Variants in FGFR3 observed in about 807,000 individuals in gnomAD.
The protein encoded by FGFR3 is fibroblast growth factor receptor 3.
A neutral mutation model predicts 82.9 loss-of-function variants in FGFR3; 25 were observed. The ratio of observed to expected loss-of-function variants is 0.30; its 90% CI spans 0.22 to 0.42. The LOEUF is 0.42. FGFR3 is among the 10% of genes least tolerant of loss of function. The pLI, the probability that FGFR3 is intolerant of heterozygous loss-of-function variation, is 1.00. For synonymous variants in FGFR3, 620 were observed against 516.0 expected, an observed-to-expected ratio of 1.20 and a Z score of -2.73; for missense variants, 1,026 against 1,161.0, an observed-to-expected ratio of 0.88 and a Z score of 1.69.
Position 1,800,597 on chromosome 4 carries a change from G to A in FGFR3, c.446-770G>A, listed in dbSNP as rs3135873. 5.1e-4 allele frequency among the ~76,000 whole-genome samples: 78 copies of A among 152,224 alleles called. 1 individual carries two copies. Among genetic ancestry groups the A allele is most frequent in the Admixed American group, 2.7e-3 (41 of 15,304 alleles). On this transcript the variant is annotated intron_variant, in intron 4 of 17. Coordinates refer to ENST00000440486, the MANE Select transcript of FGFR3 (RefSeq NM_000142.5). Reference sequence around the variant, plus strand: ...CCTGGGAGGGAGCTCAGCACCGTGGGGTGCCTCTTTCCAGCCTGTGTCCAC... The same window carrying A: ...CCTGGGAGGGAGCTCAGCACCGTGGAGTGCCTCTTTCCAGCCTGTGTCCAC...
chr4:1,799,403 G>A lies in FGFR3; in HGVS notation c.259G>A (p.Val87Ile). The A allele has an allele frequency of 6.2e-7, 1 of 1,612,242 alleles. No individual in the cohort carries two copies. Among genetic ancestry groups the A allele is most frequent in the Non-Finnish European group, 8.5e-7 (1 of 1,179,746 alleles). The change falls in exon 3 of 18, where the codon GTC (valine) becomes ATC (isoleucine). Residue 87 changes from valine to isoleucine, a missense_variant. Val to Ile is a conservative substitution (Grantham distance 29). This residue lies in a region of FGFR3 where 226 missense variants were observed against 222.0 expected (regional missense o/e 1.02). Coordinates refer to ENST00000440486, the MANE Select transcript of FGFR3 (RefSeq NM_000142.5). ...CACAGGGCTGGTGCCCTCGGAGCGT[G>A]TCCTGGTGGGGCCCCAGCGGCTGCA... Reference protein sequence around the residue: ...DGTGLVPSERVLVGPQRLQVL... With the variant: ...DGTGLVPSERILVGPQRLQVL...
chr4:1,801,076 C>T (rs1030292387), intron 4 of FGFR3, among the ~76,000 whole-genome samples: 12 of 152,222 alleles, frequency 7.9e-5, no homozygotes, highest in Admixed American at 2.6e-4. Flanking sequence ...GGCCCTGGCA[C>T]GCCTCTCTGG....
In FGFR3 at chr4:1,803,981, G is replaced by T. The variant is rs1018486794; in HGVS notation, c.1075+145G>T. 3.8e-6 allele frequency: 4 copies of T among 1,050,778 alleles called. No individual in the cohort carries two copies. The African/African-American group carries it at 4.7e-5, about 12-fold the overall frequency. 65.1% of individuals were successfully genotyped at this position (1,050,778 alleles called of 1,614,324 possible). ...CCTCACTCCTGGCCCTGTGCCCAGT[G>T]TGGGGACAAAGTTGGCCTGGCCCGG... On this transcript the variant is annotated intron_variant, in intron 8 of 17. Coordinates refer to ENST00000440486, the MANE Select transcript of FGFR3 (RefSeq NM_000142.5).
intron 7 of FGFR3, chr4:1,802,899 C>G (rs1462750477): frequency 1.3e-6 from 2 of 1,580,416 alleles, no homozygotes; most frequent in Non-Finnish European, 1.7e-6. Flanking sequence ...TGAGCCGGGT[C>G]TCTTGTCCCC....
rs372361436 is a variant in FGFR3 at position 1,805,527 on chromosome 4, C to A, written c.1535-32C>A. On this transcript the variant is annotated intron_variant, in intron 11 of 17. Coordinates refer to ENST00000440486, the MANE Select transcript of FGFR3 (RefSeq NM_000142.5). The stretch of plus-strand genomic sequence containing the variant: ...AGAGCAGGGCTGGGGGCGCCGCCGC[C>A]GCCTGACACAGGCCCCCCGCTCCGT... 2.5e-6 allele frequency: 4 copies of A among 1,612,524 alleles called. No individual in the cohort carries two copies. In the African/African-American group the frequency reaches 5.3e-5, roughly 22 times the overall value.
At chr4:1,795,995 G>A (rs1037639291) in intron 2 of FGFR3, among the ~76,000 whole-genome samples, 2 of 152,178 alleles carry the variant, frequency 1.3e-5, no homozygotes, top group Admixed American at 6.5e-5. Flanking sequence ...GGTCTCACTT[G>A]GGGCTAGATC....
At position 1,793,966 on chromosome 4, in the gene FGFR3, G is replaced by GCGTGGC. The variant is rs1720151822; in HGVS notation, c.40_45dup (p.Val14_Ala15dup). The GCGTGGC allele has an allele frequency of 7.3e-7, 1 of 1,376,550 alleles. No homozygotes were observed. Among genetic ancestry groups the GCGTGGC allele is most frequent in the African/African-American group, 1.5e-5 (1 of 66,784 alleles). The allele number at this position is 1,376,550 out of a possible 1,614,324, so 85.3% of individuals were successfully genotyped here. A position where few individuals can be genotyped will look rare whatever the true frequency, so the allele number is the denominator to read the frequency against. On this transcript the variant is annotated inframe_insertion, in exon 2 of 18. Transcript: ENST00000440486. ...GCCCCTGCCTGCGCCCTCGCGCTCT[G>GCGTGGC]CGTGGCCGTGGCCATCGTGGCCGGC...
At chr4:1,801,570 G>C (rs1721182110) in intron 5 of FGFR3, 34 bp downstream of exon 5, 1 of 1,578,652 alleles carries the variant, frequency 6.3e-7, no homozygotes, top group Non-Finnish European at 8.6e-7. Flanking sequence ...GGCCTGGCAG[G>C]CGCGGTGGTT....
At chr4:1,804,309 T>C (rs1304748980) in intron 8 of FGFR3, 21 bp from the exon 9 acceptor site, 5 of 1,578,262 alleles carry the variant, frequency 3.2e-6, no homozygotes, top group East Asian at 2.2e-5. Flanking sequence ...AGGCCAGGCC[T>C]CAACGCCCAT....
chr4:1,796,055 G>T (rs1720474130), intron 2 of FGFR3, among the ~76,000 whole-genome samples: 1 of 152,198 alleles, frequency 6.6e-6, no homozygotes, highest in South Asian at 2.1e-4. Context: ...GGAGCCCAGG[G>T]GCTTGGGGTC....
At chr4:1,799,926 T>C in intron 4 of FGFR3, 114 bp downstream of exon 4, 1 of 1,220,362 alleles carries the variant, frequency 8.2e-7, no homozygotes, top group Non-Finnish European at 1.2e-6. Flanking sequence ...CTCCCTGGGG[T>C]CACCCCGAAG....
At chr4:1,803,059 G>C in intron 7 of FGFR3, 1 of 1,594,996 alleles carries the variant, frequency 6.3e-7, no homozygotes, top group East Asian at 2.3e-5. Context: ...CACGGGCCCC[G>C]AGCAGGTAAC....
At chr4:1,803,389 T>G (rs534475304) in intron 7 of FGFR3, among the ~76,000 whole-genome samples, 1 of 152,202 alleles carries the variant, frequency 6.6e-6, no homozygotes, top group South Asian at 2.1e-4. Context: ...CCGCAGCCTG[T>G]GTGTCCCTGT....
Position 1,805,930 on chromosome 4 carries a change from C to T in FGFR3, c.1826C>T (p.Ala609Val), listed in dbSNP as rs142093553. The change falls in exon 13 of 18, where the codon GCC becomes GTC. Residue 609 changes from alanine (A) to valine (V), a missense_variant. Around this residue, in one of 9 missense-constraint regions of FGFR3, gnomAD observed 164 missense variants for 167.5 expected, o/e 0.98. Coordinates refer to ENST00000440486, the MANE Select transcript of FGFR3 (RefSeq NM_000142.5). ...GTGGCCCGGGGCATGGAGTACTTGGCCTCCCAGAAGGTGGGCAGGGCGGCA... is the reference window on the plus strand; with the variant it reads ...GTGGCCCGGGGCATGGAGTACTTGGTCTCCCAGAAGGTGGGCAGGGCGGCA... ...YQVARGMEYL[A>V]SQKCIHRDLA... 28 of 1,608,806 alleles carry T rather than the reference C, an allele frequency of 1.7e-5. No homozygotes were observed. Among genetic ancestry groups the T allele is most frequent in the East Asian group, 2.2e-5 (1 of 44,782 alleles).
Position 1,804,467 on chromosome 4 carries a change from G to T in FGFR3, c.1213G>T (p.Gly405Cys), listed in dbSNP as rs768867257. ...CCGCCTGCGCAGCCCCCCCAAGAAA[G>T]GCCTGGGCTCCCCCACCGTGCACAA... is the stretch of plus-strand genomic sequence containing the variant. ...LCRLRSPPKK[G>C]LGSPTVHKIS... The change falls in exon 9 of 18, where the codon GGC becomes TGC. Residue 405 changes from glycine to cysteine, a missense_variant. Gly to Cys is a radical substitution (Grantham distance 159). This residue lies in a region of FGFR3 where 256 missense variants were observed against 217.6 expected (regional missense o/e 1.18). Transcript: ENST00000440486. 6.2e-7 allele frequency: 1 copy of T among 1,613,198 alleles called. No homozygotes were observed. The highest frequency in any genetic ancestry group is 2.2e-5 in the East Asian group (1 of 44,876).
rs1722254835 is a variant in FGFR3, at chr4:1,808,595, A to G, written c.*1333A>G. 4.3e-6 allele frequency: 1 copy of G among 231,172 alleles called. No individual in the cohort carries two copies. The allele number at this position is 231,172 out of a possible 1,614,324, so 14.3% of individuals were successfully genotyped here. On this transcript the variant is annotated 3_prime_UTR_variant, in exon 18 of 18. Transcript: ENST00000440486. ...ACAAGATGTATTTGTTGTAGACTTA[A>G]CACTTCTTACGCAATGCTTCTAGAG...
At chr4:1,804,207 G>A (rs1721565596) in intron 8 of FGFR3, 123 bp from the exon 9 acceptor site, 3 of 1,099,100 alleles carry the variant, frequency 2.7e-6, no homozygotes, top group South Asian at 3.0e-5. Flanking sequence ...CAGACAAGGC[G>A]CGTGCTGAGG....
chr4:1,796,285 G>A (rs1720500266), intron 2 of FGFR3, among the ~76,000 whole-genome samples: 1 of 152,126 alleles, frequency 6.6e-6, no homozygotes, highest in African/African-American at 2.4e-5. Flanking sequence ...TGAAGGATTA[G>A]GCCAGATAAC....
At chr4:1,794,263 C>T (rs1287779361) in intron 2 of FGFR3, among the ~76,000 whole-genome samples, 1 of 152,224 alleles carries the variant, frequency 6.6e-6, no homozygotes, top group East Asian at 1.9e-4. Flanking sequence ...GCGAGGCCAC[C>T]ACGGGGAGCC....
Sources: allele counts gnomAD v4.1 joint callset (sites outside exome capture counted in the v4.1 genomes callset), GRCh38; gene constraint gnomAD v4.1.1; regional missense constraint gnomAD v4.1.1; transcripts MANE v1.5; gene names NCBI Gene and HGNC (gene_info 2026-07-23, HGNC 2026-07-21).